The following KLHL29 variants were observed in gnomAD, a reference collection of about 807,000 sequenced individuals.
KLHL29 encodes the protein kelch-like protein 29.
KLHL29 carries 21 observed loss-of-function variants against 80.4 expected under a neutral mutation model. The ratio of observed to expected loss-of-function variants is 0.26; its 90% CI spans 0.19 to 0.38. The LOEUF (loss-of-function observed/expected upper bound fraction) is 0.38, where lower values mean the gene tolerates loss of function less well. Among genes scored for constraint, KLHL29 ranks in the 10% least tolerant of loss-of-function variants. KLHL29 has a pLI of 1.00. For synonymous variants in KLHL29, 511 were observed against 526.8 expected (o/e 0.97, Z 0.41); for missense variants, 867 against 1,223.9 (o/e 0.71, Z 4.35).
At chr2:23,526,161 G>A (rs906695298) in intron 2 of KLHL29, among the ~76,000 whole-genome samples, 1 of 152,218 alleles carries the variant, frequency 6.6e-6, no homozygotes, top group Non-Finnish European at 1.5e-5. Context: ...GAAGATTCTG[G>A]AGCCTTTGTT....
At position 23,562,653 on chromosome 2, in the gene KLHL29, G is replaced by A. The variant is rs1434499257; in HGVS notation, c.285+172G>A. Among the ~76,000 whole-genome samples, 2 of 152,206 alleles carry A rather than the reference G, an allele frequency of 1.3e-5. No homozygotes were observed. The highest frequency in any genetic ancestry group is 2.9e-5 in the Non-Finnish European group (2 of 68,034). ...CTGGAAACTGTTTGCGAGCATTCAT[G>A]CGGGTTTTATTATCCATGAAGTCTT... On this transcript the variant is annotated intron_variant, in intron 3 of 13. Transcript: ENST00000486442. The surrounding 1 kb of genome is among the most constrained non-coding windows in gnomAD (Gnocchi z 4.5).
intron 1 of KLHL29, among the ~76,000 whole-genome samples, chr2:23,469,275 G>A (rs1226300526): frequency 6.6e-6 from 1 of 152,230 alleles, no homozygotes; most frequent in Non-Finnish European, 1.5e-5. Context: ...ATGGTGACCT[G>A]GAGGGTGTTG....
chr2:23,449,684 G>A (rs1232563677), intron 1 of KLHL29, among the ~76,000 whole-genome samples: 1 of 152,166 alleles, frequency 6.6e-6, no homozygotes, highest in Non-Finnish European at 1.5e-5. Context: ...ATGGTGGAAA[G>A]GGTACCTCAA....
intron 2 of KLHL29, among the ~76,000 whole-genome samples, chr2:23,538,773 A>ACGT (rs1666750600): frequency 6.6e-6 from 1 of 152,184 alleles, no homozygotes; most frequent in Non-Finnish European, 1.5e-5. Context: ...ACCAGTTCTC[A>ACGT]CTGATCTGGA....
chr2:23,416,718 G>A (rs1558330097), intron 1 of KLHL29, among the ~76,000 whole-genome samples: 1 of 152,218 alleles, frequency 6.6e-6, no homozygotes, highest in Non-Finnish European at 1.5e-5. Context: ...TGTGTTGCCA[G>A]CTAAATAAAC....
At chr2:23,631,877 A>G (rs1375174022) in intron 3 of KLHL29, among the ~76,000 whole-genome samples, 1 of 152,070 alleles carries the variant, frequency 6.6e-6, no homozygotes, top group Non-Finnish European at 1.5e-5. Context: ...AACTCTCCCA[A>G]TCAGGTCCTG....
chr2:23,553,374 C>T (rs1667177631), intron 2 of KLHL29, among the ~76,000 whole-genome samples: 1 of 152,226 alleles, frequency 6.6e-6, no homozygotes, highest in African/African-American at 2.4e-5. Flanking sequence ...AAATCCACAC[C>T]TTAGGTTCCT....
At chr2:23,642,199 A>G (rs1319141545) in intron 4 of KLHL29, 139 bp from the exon 5 acceptor site, 10 of 748,976 alleles carry the variant, frequency 1.3e-5, no homozygotes, top group Non-Finnish European at 1.9e-5. Flanking sequence ...ATGATCACAG[A>G]TTCCTAATCG....
intron 3 of KLHL29, among the ~76,000 whole-genome samples, chr2:23,621,712 C>A (rs975150164): frequency 6.6e-6 from 1 of 152,146 alleles, no homozygotes; most frequent in Non-Finnish European, 1.5e-5. Flanking sequence ...AGAGAAGGCG[C>A]TGCCAAAATG....
intron 5 of KLHL29, among the ~76,000 whole-genome samples, chr2:23,677,105 A>C (rs369492783): frequency 6.6e-6 from 1 of 152,364 alleles, no homozygotes; most frequent in African/African-American, 2.4e-5. Flanking sequence ...AAAAATGTTA[A>C]GGAGAAAAAT....
At chr2:23,649,246 C>T (rs1670022639) in intron 5 of KLHL29, among the ~76,000 whole-genome samples, 1 of 152,208 alleles carries the variant, frequency 6.6e-6, no homozygotes, top group African/African-American at 2.4e-5. Context: ...ACTCCTGATA[C>T]ACACACCCTC....
At chr2:23,525,753 A>G (rs1452161068) in intron 2 of KLHL29, among the ~76,000 whole-genome samples, 1 of 126,348 alleles carries the variant, frequency 7.9e-6, no homozygotes. Flanking sequence ...GAGGCGAGCC[A>G]GCAGAGCCAG....
intron 2 of KLHL29, among the ~76,000 whole-genome samples, chr2:23,555,125 C>T (rs970826984): frequency 6.8e-6 from 1 of 146,458 alleles, no homozygotes; most frequent in South Asian, 2.1e-4. Context: ...TGACCTCCCC[C>T]CCCCCCTCAA....
intron 2 of KLHL29, among the ~76,000 whole-genome samples, chr2:23,533,495 A>G (rs974324641): frequency 2.6e-5 from 4 of 152,184 alleles, no homozygotes; most frequent in Admixed American, 1.3e-4. Flanking sequence ...GAAGCAGCTG[A>G]TGCAAAACAA....
At chr2:23,392,265 TTAGTCATACACCAGG>T (rs1666338537) in intron 1 of KLHL29, among the ~76,000 whole-genome samples, 1 of 152,254 alleles carries the variant, frequency 6.6e-6, no homozygotes, top group African/African-American at 2.4e-5. Flanking sequence ...CATAAATGTT[TTAGTCATACACCAGG>T]GCATGTATAT....
chr2:23,460,173 A>C (rs1262804201), intron 1 of KLHL29, among the ~76,000 whole-genome samples: 1 of 152,170 alleles, frequency 6.6e-6, no homozygotes, highest in East Asian at 1.9e-4. Flanking sequence ...TGAGCACTAA[A>C]TTTATTTTAT....
At position 23,526,730 on chromosome 2, in the gene KLHL29, G is replaced by A. The variant is rs146385671; in HGVS notation, c.-45-35422G>A. ...CGTGGGGTGAGCTGGGGTTGGCTCC[G>A]TGGCTCCCAAGAGCCCATTGTTAAC... On this transcript the variant is annotated intron_variant, in intron 2 of 13. Transcript: ENST00000486442. 3.0e-3 allele frequency among the ~76,000 whole-genome samples: 450 copies of A among 152,280 alleles called. 6 individuals carry two copies. Among genetic ancestry groups the A allele is most frequent in the African/African-American group, 0.01 (429 of 41,562 alleles).
intron 2 of KLHL29, among the ~76,000 whole-genome samples, chr2:23,500,768 C>T (rs111669411): frequency 2.1e-4 from 32 of 152,338 alleles, no homozygotes; most frequent in African/African-American, 6.0e-4. Context: ...CGATTACTTT[C>T]CCTAACTCCT....
intron 2 of KLHL29, among the ~76,000 whole-genome samples, chr2:23,544,252 G>A (rs571259972): frequency 9.9e-5 from 15 of 152,272 alleles, no homozygotes; most frequent in South Asian, 4.1e-4. Flanking sequence ...CGTTATTTAC[G>A]GAGCCCTACC....
Sources: gnomAD v4.1 joint callset for allele counts (sites outside exome capture counted in the v4.1 genomes callset) on GRCh38, gnomAD v4.1.1 for gene constraint, Gnocchi (gnomAD v3.1) non-coding constraint, MANE v1.5 for transcripts, NCBI Gene and HGNC (gene_info 2026-07-23, HGNC 2026-07-21) for gene names.